Variants in QTMAN observed in about 807,000 individuals in gnomAD.
QTMAN encodes the protein tRNA-queuosine alpha-mannosyltransferase.
chr2:144,006,853 C>CTAT, the QTMAN span: 2 of 199,892 alleles, frequency 1.0e-5, no homozygotes, highest in East Asian at 1.2e-4. Context: ...TTTGTGATAA[C>CTAT]TGTGTGTGTG....
At chr2:143,980,870 A>G in the QTMAN span, among the ~76,000 whole-genome samples, 1 of 152,176 alleles carries the variant, frequency 6.6e-6, no homozygotes, top group African/African-American at 2.4e-5. Context: ...ACTAGAAACC[A>G]TTAAAGTGAA....
the QTMAN span, among the ~76,000 whole-genome samples, chr2:144,272,740 T>C: frequency 1.5e-4 from 23 of 152,100 alleles, no homozygotes; most frequent in Non-Finnish European, 2.9e-4. Context: ...TGTGTGTGCA[T>C]GCATGCGTGT....
At chr2:143,993,252 T>C in the QTMAN span, among the ~76,000 whole-genome samples, 2 of 152,188 alleles carry the variant, frequency 1.3e-5, no homozygotes, top group Non-Finnish European at 2.9e-5. Flanking sequence ...GATGGTAGTA[T>C]ATACTCAAAA....
At chr2:143,961,631 T>C in the QTMAN span, among the ~76,000 whole-genome samples, 1 of 152,156 alleles carries the variant, frequency 6.6e-6, no homozygotes, top group Non-Finnish European at 1.5e-5. Context: ...GAGAACAATT[T>C]CTTGAGAGAT....
the QTMAN span, among the ~76,000 whole-genome samples, chr2:144,174,795 A>G: frequency 3.7e-4 from 56 of 152,302 alleles, no homozygotes; most frequent in Admixed American, 9.8e-4. Context: ...ACCTTCCGTC[A>G]TGATTATGTG....
At chr2:144,216,408 G>C in the QTMAN span, among the ~76,000 whole-genome samples, 7 of 152,080 alleles carry the variant, frequency 4.6e-5, no homozygotes, top group Admixed American at 6.6e-5. Flanking sequence ...GGTTTTTCTG[G>C]AGCTGAAGTG....
At chr2:143,973,412 A>G in the QTMAN span, among the ~76,000 whole-genome samples, 2 of 152,196 alleles carry the variant, frequency 1.3e-5, no homozygotes, top group African/African-American at 4.8e-5. Context: ...TACATATTAT[A>G]AATATACAAG....
At chr2:144,018,132 A>G in the QTMAN span, among the ~76,000 whole-genome samples, 1 of 151,846 alleles carries the variant, frequency 6.6e-6, no homozygotes, top group African/African-American at 2.4e-5. Flanking sequence ...TTTCTGAGAG[A>G]TTCTGTCATT....
chr2:144,139,913 T>C, the QTMAN span, among the ~76,000 whole-genome samples: 1 of 152,074 alleles, frequency 6.6e-6, no homozygotes, highest in Non-Finnish European at 1.5e-5. Flanking sequence ...ATTTTTCCCA[T>C]GACCAAATAA....
At chr2:144,170,725 G>C in the QTMAN span, among the ~76,000 whole-genome samples, 1 of 151,996 alleles carries the variant, frequency 6.6e-6, no homozygotes, top group Non-Finnish European at 1.5e-5. Context: ...GAGACATACA[G>C]ATTCAAGAGA....
chr2:143,979,766 T>C, the QTMAN span, among the ~76,000 whole-genome samples: 1 of 152,240 alleles, frequency 6.6e-6, no homozygotes, highest in Non-Finnish European at 1.5e-5. Context: ...ACAGTTTTTA[T>C]ATAAAGTAAT....
At chr2:143,983,100 T>G in the QTMAN span, among the ~76,000 whole-genome samples, 1 of 152,130 alleles carries the variant, frequency 6.6e-6, no homozygotes, top group African/African-American at 2.4e-5. Flanking sequence ...TAAAGCTTAG[T>G]TGAAAGAGGG....
the QTMAN span, among the ~76,000 whole-genome samples, chr2:144,149,501 A>G: frequency 6.6e-6 from 1 of 152,032 alleles, no homozygotes; most frequent in African/African-American, 2.4e-5. Context: ...TAGACCACCA[A>G]AGAGCTTTAA....
At chr2:144,040,730 C>T in the QTMAN span, among the ~76,000 whole-genome samples, 1 of 151,962 alleles carries the variant, frequency 6.6e-6, no homozygotes, top group African/African-American at 2.4e-5. Flanking sequence ...GGGTGGGAGA[C>T]TAAAAAGGGA....
the QTMAN span, among the ~76,000 whole-genome samples, chr2:144,324,193 A>G: frequency 6.6e-6 from 1 of 152,212 alleles, no homozygotes; most frequent in Non-Finnish European, 1.5e-5. Flanking sequence ...GCCTTGCTAT[A>G]CCACGCAGGA....
chr2:144,185,741 C>T, the QTMAN span, among the ~76,000 whole-genome samples: 1 of 152,146 alleles, frequency 6.6e-6, no homozygotes, highest in East Asian at 1.9e-4. Flanking sequence ...ATTGGATGTA[C>T]AGCCACTAGC....
At chr2:144,193,873 T>C in the QTMAN span, among the ~76,000 whole-genome samples, 2 of 152,096 alleles carry the variant, frequency 1.3e-5, no homozygotes, top group Admixed American at 6.6e-5. Context: ...TCAAAATTGA[T>C]ACCAGAACTG....
the QTMAN span, chr2:144,208,695 G>A: frequency 1.5e-5 from 25 of 1,613,604 alleles, no homozygotes; most frequent in African/African-American, 1.1e-4. Flanking sequence ...GGGTATAAAC[G>A]ACACAGTCTC....
chr2:144,250,127 T>G, the QTMAN span, among the ~76,000 whole-genome samples: 2 of 145,050 alleles, frequency 1.4e-5, no homozygotes, highest in Non-Finnish European at 1.5e-5. Context: ...TTTTGTGTTT[T>G]TTTTTTTTGT....
Sources: allele counts gnomAD v4.1 joint callset (sites outside exome capture counted in the v4.1 genomes callset), GRCh38; gene constraint gnomAD v4.1.1; transcripts MANE v1.5; gene names NCBI Gene and HGNC (gene_info 2026-07-23, HGNC 2026-07-21).